Variants in GRM7 observed in about 807,000 individuals in gnomAD.
The protein encoded by GRM7 is metabotropic glutamate receptor 7.
A neutral mutation model predicts 84.5 loss-of-function variants in GRM7; 35 were observed. That is an observed-to-expected ratio of 0.41 (90% CI 0.32 to 0.55). GRM7 has a LOEUF of 0.55. Among genes scored for constraint, GRM7 ranks in the 20% least tolerant of loss-of-function variants. GRM7 has a pLI of 0.19. For missense variants in GRM7, 1,003 were observed against 1,194.6 expected (o/e 0.84, Z 2.36); for synonymous variants, 487 against 455.1 (o/e 1.07, Z -0.89).
intron 8 of GRM7, among the ~76,000 whole-genome samples, chr3:7,623,973 T>C (rs1310828447): frequency 6.6e-6 from 1 of 152,114 alleles, no homozygotes; most frequent in Non-Finnish European, 1.5e-5. Context: ...GTAGAGCCTG[T>C]TGACTTTTCA....
At chr3:7,219,023 T>TG (rs746921562) in intron 2 of GRM7, among the ~76,000 whole-genome samples, 115 of 152,268 alleles carry the variant, frequency 7.6e-4, no homozygotes, top group Non-Finnish European at 9.3e-4. Context: ...TATGGTGTTT[T>TG]GCCACTAGTG....
chr3:7,182,386 T>C (rs36057220), intron 2 of GRM7, among the ~76,000 whole-genome samples: 38,680 of 152,078 alleles, frequency 0.25, 5,683 homozygotes, highest in Non-Finnish European at 0.34. Flanking sequence ...TCTGATATCT[T>C]ATGGATATTT....
intron 8 of GRM7, among the ~76,000 whole-genome samples, chr3:7,613,420 G>C (rs896382254): frequency 2.0e-5 from 3 of 152,174 alleles, no homozygotes; most frequent in African/African-American, 4.8e-5. Context: ...TTCTAGCCCA[G>C]ATGGTGGCTG....
At chr3:7,108,370 A>G (rs963828189) in intron 1 of GRM7, among the ~76,000 whole-genome samples, 2 of 152,050 alleles carry the variant, frequency 1.3e-5, no homozygotes, top group Non-Finnish European at 2.9e-5. Flanking sequence ...AAGAATTGGA[A>G]TGGTACCGAT....
At chr3:6,993,833 C>T (rs1442411707) in intron 1 of GRM7, among the ~76,000 whole-genome samples, 1 of 152,086 alleles carries the variant, frequency 6.6e-6, no homozygotes, top group African/African-American at 2.4e-5. Flanking sequence ...TATGTTCTTC[C>T]ATGGCACACA....
At chr3:7,069,056 A>C (rs1697769637) in intron 1 of GRM7, among the ~76,000 whole-genome samples, 1 of 145,832 alleles carries the variant, frequency 6.9e-6, no homozygotes, top group South Asian at 2.2e-4. Context: ...GATATACATA[A>C]TTTTATATAT....
chr3:7,541,715 C>T (rs1692892395), intron 7 of GRM7, among the ~76,000 whole-genome samples: 1 of 152,220 alleles, frequency 6.6e-6, no homozygotes, highest in Non-Finnish European at 1.5e-5. Flanking sequence ...GTTCCCTTGG[C>T]TGCCTTGGCT....
chr3:6,861,887 A>G lies in GRM7; in HGVS notation c.499A>G (p.Asn167Asp). The G allele has an allele frequency of 6.2e-7, 1 of 1,612,334 alleles. No individual in the cohort carries two copies. The highest frequency in any genetic ancestry group is 8.5e-7 in the Non-Finnish European group (1 of 1,178,828). Reference sequence around the variant, plus strand: ...GAGTTCGGTCTCCATCATGGTAGCCAACATCCTGAGGCTCTTCCAGGTAGG... The same window carrying G: ...GAGTTCGGTCTCCATCATGGTAGCCGACATCCTGAGGCTCTTCCAGGTAGG... ...SGSSVSIMVA[N>D]ILRLFQIPQI... is the part of the protein sequence containing the mutation. Residue 167 changes from asparagine to aspartate, a missense_variant, in exon 1 of 10, where the codon AAC (asparagine) becomes GAC (aspartate). Physicochemically the swap from Asn to Asp is conservative, Grantham distance 23 (BLOSUM62 1). This residue lies in a region of GRM7 where 910 missense variants were observed against 1,126.0 expected (regional missense o/e 0.81). Transcript: ENST00000357716. The surrounding 1 kb of genome is among the most constrained non-coding windows in gnomAD (Gnocchi z 6.4).
At chr3:7,729,048 T>A (rs904231588) in intron 9 of GRM7, among the ~76,000 whole-genome samples, 1 of 52,054 alleles carries the variant, frequency 1.9e-5, no homozygotes, top group Non-Finnish European at 4.3e-5. Context: ...CAGGCTTTTT[T>A]TTTTTTTTTT....
chr3:6,915,086 C>A (rs1310568703), intron 1 of GRM7, among the ~76,000 whole-genome samples: 1 of 152,182 alleles, frequency 6.6e-6, no homozygotes, highest in African/African-American at 2.4e-5. Flanking sequence ...TGCTCCAGGT[C>A]CTTATTGCTC....
intron 1 of GRM7, among the ~76,000 whole-genome samples, chr3:6,965,244 G>C (rs1693471739): frequency 6.6e-6 from 1 of 152,158 alleles, no homozygotes. Context: ...GAACAATCCA[G>C]TCTTCTGTGT....
intron 1 of GRM7, among the ~76,000 whole-genome samples, chr3:6,940,390 C>T (rs935542373): frequency 1.3e-5 from 2 of 152,082 alleles, no homozygotes; most frequent in African/African-American, 4.8e-5. Flanking sequence ...GCGCCCGGCC[C>T]GTTTTTAATT....
At chr3:7,125,929 A>G (rs1693383730) in intron 1 of GRM7, among the ~76,000 whole-genome samples, 1 of 152,216 alleles carries the variant, frequency 6.6e-6, no homozygotes. Flanking sequence ...TTCTGTTGAT[A>G]GAAATGGGAT....
At chr3:7,604,565 G>A (rs1173109370) in intron 8 of GRM7, among the ~76,000 whole-genome samples, 1 of 152,126 alleles carries the variant, frequency 6.6e-6, no homozygotes, top group East Asian at 1.9e-4. Flanking sequence ...CGTAAAGCCA[G>A]GTACCTGGTC....
chr3:7,043,770 T>C (rs1696709877), intron 1 of GRM7, among the ~76,000 whole-genome samples: 1 of 152,212 alleles, frequency 6.6e-6, no homozygotes, highest in Non-Finnish European at 1.5e-5. Context: ...AATGAATGAA[T>C]GCTTAACCAC....
At chr3:6,943,734 G>T (rs564562317) in intron 1 of GRM7, among the ~76,000 whole-genome samples, 1 of 152,060 alleles carries the variant, frequency 6.6e-6, no homozygotes, top group East Asian at 1.9e-4. Context: ...CACCTGTTGG[G>T]TTATGTTTGG....
At chr3:7,498,919 T>G (rs953701675) in intron 7 of GRM7, among the ~76,000 whole-genome samples, 27 of 152,136 alleles carry the variant, frequency 1.8e-4, no homozygotes, top group Admixed American at 1.3e-4. Flanking sequence ...CTGTGCAGAG[T>G]TGCTGCAATC....
At chr3:6,932,172 G>A (rs1697524020) in intron 1 of GRM7, among the ~76,000 whole-genome samples, 1 of 152,152 alleles carries the variant, frequency 6.6e-6, no homozygotes, top group South Asian at 2.1e-4. Context: ...TGAATCGAAT[G>A]ACTAGATATT....
At chr3:6,874,108 G>C (rs948268065) in intron 1 of GRM7, among the ~76,000 whole-genome samples, 1 of 152,142 alleles carries the variant, frequency 6.6e-6, no homozygotes, top group East Asian at 1.9e-4. Flanking sequence ...CTGAAAGAAA[G>C]AAATAATAAT....
Sources: allele counts gnomAD v4.1 joint callset (sites outside exome capture counted in the v4.1 genomes callset), GRCh38; gene constraint gnomAD v4.1.1; regional missense constraint gnomAD v4.1.1; non-coding constraint Gnocchi (gnomAD v3.1); transcripts MANE v1.5; gene names NCBI Gene and HGNC (gene_info 2026-07-23, HGNC 2026-07-21).